The following BMF variants were observed in gnomAD, a reference collection of about 807,000 sequenced individuals.
BMF encodes Bcl2 modifying factor.
BMF carries 10 observed loss-of-function variants against 22.0 expected under a neutral mutation model. The ratio of observed to expected loss-of-function variants is 0.45; its 90% CI spans 0.28 to 0.77. The LOEUF is 0.77. Among genes scored for constraint, BMF ranks in the 30% least tolerant of loss-of-function variants. BMF has a pLI of 0.13. For missense variants in BMF, 206 were observed against 226.8 expected (o/e 0.91, Z 0.59); for synonymous variants, 87 against 88.1 (o/e 0.99, Z 0.07).
chr15:40,095,470 G>A (rs1361487621), intron 4 of BMF, among the ~76,000 whole-genome samples: 8 of 152,154 alleles, frequency 5.3e-5, no homozygotes, highest in Non-Finnish European at 1.2e-4. Context: ...GAAGAGAGGG[G>A]AACCAGGAAT....
chr15:40,103,427 G>C (rs1344225632), intron 4 of BMF, among the ~76,000 whole-genome samples: 1 of 152,248 alleles, frequency 6.6e-6, no homozygotes, highest in Non-Finnish European at 1.5e-5. Flanking sequence ...GCGGCTGCTG[G>C]AACAGGGAAG....
intron 3 of BMF, among the ~76,000 whole-genome samples, chr15:40,105,120 G>T (rs747839276): frequency 1.3e-5 from 2 of 152,188 alleles, no homozygotes; most frequent in African/African-American, 2.4e-5. Flanking sequence ...CAATCAGCTC[G>T]TCAGACACAG....
chr15:40,105,130 G>GCGTGGC (rs1555428374), intron 3 of BMF, among the ~76,000 whole-genome samples: 10 of 152,262 alleles, frequency 6.6e-5, no homozygotes, highest in Admixed American at 6.5e-4. Flanking sequence ...GTCAGACACA[G>GCGTGGC]TAAGCCACGC....
At chr15:40,099,813 G>C (rs2036439503) in intron 4 of BMF, among the ~76,000 whole-genome samples, 1 of 148,140 alleles carries the variant, frequency 6.8e-6, no homozygotes, top group African/African-American at 2.5e-5. Context: ...GGCTTGGAGA[G>C]ATTACATGAT....
rs1427557612 is a variant in BMF, at chr15:40,091,236, C to T, written c.*551G>A. ...AGGTACTGGCTGAGAAGTAAGAACC[C>T]AGTCAGATGTGGAGCTGGCCGGCCA... On this transcript the variant is annotated 3_prime_UTR_variant, in exon 5 of 5. Transcript: ENST00000354670. 1.3e-5 allele frequency: 2 copies of T among 152,852 alleles called. No individual in the cohort carries two copies. The highest frequency in any genetic ancestry group is 2.1e-4 in the South Asian group (1 of 4,830). The allele number at this position is 152,852 out of a possible 1,614,324, so 9.5% of individuals were successfully genotyped here. A position where few individuals can be genotyped will look rare whatever the true frequency, so the allele number is the denominator to read the frequency against.
At chr15:40,093,934 T>A (rs1179585851) in intron 4 of BMF, among the ~76,000 whole-genome samples, 1 of 152,200 alleles carries the variant, frequency 6.6e-6, no homozygotes, top group Non-Finnish European at 1.5e-5. Flanking sequence ...CACATTATCA[T>A]GCCCATTACT....
intron 4 of BMF, among the ~76,000 whole-genome samples, chr15:40,098,214 C>CT (rs1341602296): frequency 1.3e-5 from 2 of 152,228 alleles, no homozygotes; most frequent in Non-Finnish European, 2.9e-5. Flanking sequence ...GCAAGGCTTC[C>CT]TCTAACGCAA....
Position 40,108,843 on chromosome 15 carries a change from G to A in BMF, c.-204C>T, listed in dbSNP as rs868295161. 2.6e-5 allele frequency: 4 copies of A among 153,320 alleles called. No individual in the cohort carries two copies. Among genetic ancestry groups the A allele is most frequent in the Non-Finnish European group, 5.9e-5 (4 of 68,288 alleles). 9.5% of individuals were successfully genotyped at this position (153,320 alleles called of 1,614,324 possible). The stretch of plus-strand genomic sequence containing the variant: ...CGGCGGGCACAGGCCGGGGCGGGAG[G>A]AGGCCACTCCGCACGGTGCGGTATT... On this transcript the variant is annotated 5_prime_UTR_variant, in exon 1 of 5. Transcript: ENST00000354670.
intron 4 of BMF, 121 bp from the exon 5 acceptor site, chr15:40,092,009 A>G: frequency 1.4e-6 from 1 of 734,884 alleles, no homozygotes; most frequent in East Asian, 2.7e-5. Flanking sequence ...TAATCCTATC[A>G]GTACAGCTCA....
intron 4 of BMF, among the ~76,000 whole-genome samples, chr15:40,097,534 G>A (rs547123774): frequency 1.1e-4 from 17 of 152,200 alleles, no homozygotes; most frequent in Non-Finnish European, 1.8e-4. Context: ...GGTATGGGGC[G>A]ATTGGACCAT....
intron 4 of BMF, among the ~76,000 whole-genome samples, chr15:40,093,833 G>A (rs2036299324): frequency 6.6e-6 from 1 of 152,192 alleles, no homozygotes; most frequent in South Asian, 2.1e-4. Flanking sequence ...CTTCTCAAAG[G>A]GTGGTCCATG....
chr15:40,104,488 G>T, intron 3 of BMF, 148 bp from the exon 4 acceptor site: 1 of 1,016,852 alleles, frequency 9.8e-7, no homozygotes. Context: ...GGAGCACTCT[G>T]CCAAGCTTGG....
Position 40,091,492 on chromosome 15 carries a change from CCTCAGTCGAAGAATCTACTTGTCAGAG to C in BMF, c.*268_*294del. 1.3e-5 allele frequency: 4 copies of C among 296,742 alleles called. No homozygotes were observed. Among genetic ancestry groups the C allele is most frequent in the Non-Finnish European group, 2.5e-5 (4 of 159,200 alleles). 18.4% of individuals were successfully genotyped at this position (296,742 alleles called of 1,614,324 possible). A position where few individuals can be genotyped will look rare whatever the true frequency, so the allele number is the denominator to read the frequency against. Reference sequence around the variant, plus strand: ...GATCATCTTCGACAACTGGTAGATTCCTCAGTCGAAGAATCTACTTGTCAGAGCCCTTGGGAATTCTCACCATCACAG... The same window carrying C: ...GATCATCTTCGACAACTGGTAGATTCCCCTTGGGAATTCTCACCATCACAG... On this transcript the variant is annotated 3_prime_UTR_variant, in exon 5 of 5. Coordinates refer to ENST00000354670, the MANE Select transcript of BMF (RefSeq NM_001003940.2).
rs554850532 is a variant in BMF at position 40,093,721 on chromosome 15, G to A, written c.454-1833C>T. On this transcript the variant is annotated intron_variant, in intron 4 of 4. Coordinates refer to ENST00000354670, the MANE Select transcript of BMF (RefSeq NM_001003940.2). Reference sequence around the variant, plus strand: ...CCTGAGGTGCTTGTCTGAGAAGACCGGTGGCAAGAACAATCATCACCTCAT... The same window carrying A: ...CCTGAGGTGCTTGTCTGAGAAGACCAGTGGCAAGAACAATCATCACCTCAT... 8.5e-5 allele frequency among the ~76,000 whole-genome samples: 13 copies of A among 152,272 alleles called. No homozygotes were observed. The South Asian group carries it at 1.7e-3, about 19-fold the overall frequency.
In BMF at chr15:40,106,364, C is replaced by T. The variant is rs2036587852; in HGVS notation, c.-5-273G>A. On this transcript the variant is annotated intron_variant, in intron 2 of 4. Coordinates refer to ENST00000354670, the MANE Select transcript of BMF (RefSeq NM_001003940.2). This position sits in a 1 kb window ranked among gnomAD's most constrained non-coding sequence, Gnocchi z 4.1. ...CTTGATCACGTTTTCTGACCTAGGC[C>T]GGTCACAAAGTTTGACTCTGAGGGT... 4 of 346,188 alleles carry T rather than the reference C, an allele frequency of 1.2e-5. No homozygotes were observed. Among genetic ancestry groups the T allele is most frequent in the Non-Finnish European group, 2.1e-5 (4 of 190,052 alleles). 21.4% of individuals were successfully genotyped at this position (346,188 alleles called of 1,614,324 possible). A position where few individuals can be genotyped will look rare whatever the true frequency, so the allele number is the denominator to read the frequency against.
intron 4 of BMF, among the ~76,000 whole-genome samples, chr15:40,101,253 A>G (rs548573158): frequency 6.6e-6 from 1 of 152,330 alleles, no homozygotes; most frequent in African/African-American, 2.4e-5. Flanking sequence ...GGTGATCAGG[A>G]TCATAAACAG....
At chr15:40,105,346 C>G (rs143304829) in intron 3 of BMF, among the ~76,000 whole-genome samples, 15 of 152,360 alleles carry the variant, frequency 9.8e-5, no homozygotes, top group Admixed American at 2.0e-4. Context: ...TCCAGTTCCC[C>G]TTTCACACAC....
At chr15:40,108,137 GA>G (rs2036624567) in intron 2 of BMF, 121 bp downstream of exon 2, 1 of 152,576 alleles carries the variant, frequency 6.6e-6, no homozygotes, top group African/African-American at 2.4e-5. Flanking sequence ...CTAAGGGCTG[GA>G]AGAGGGATGC....
Position 40,105,919 on chromosome 15 carries a change from A to G in BMF, c.168T>C (p.Cys56=). 1 of 1,614,138 alleles carries G rather than the reference A, an allele frequency of 6.2e-7. No individual in the cohort carries two copies. Among genetic ancestry groups the G allele is most frequent in the Non-Finnish European group, 8.5e-7 (1 of 1,180,016 alleles). Residue 56 remains cysteine (C), a synonymous_variant, in exon 3 of 5, where the codon TGT becomes TGC. Transcript: ENST00000354670. The part of the protein sequence containing the change: ...RLQLFPLTHC[C]GPGLRPTSQE... ...GGCTGGTGGGTCGAAGGCCAGGGCC[A>G]CAGCAGTGGGTGAGAGGGAAGAGCT...
Sources: allele counts gnomAD v4.1 joint callset (sites outside exome capture counted in the v4.1 genomes callset), GRCh38; gene constraint gnomAD v4.1.1; non-coding constraint Gnocchi (gnomAD v3.1); transcripts MANE v1.5; gene names NCBI Gene and HGNC (gene_info 2026-07-23, HGNC 2026-07-21).